Variants in COTL1 observed in about 807,000 individuals in gnomAD.
COTL1 encodes coactosin like F-actin binding protein 1.
Under a neutral mutation model 16.5 loss-of-function variants are expected in COTL1, and 15 were observed. The observed-to-expected ratio is 0.91, with a 90% confidence interval of 0.61 to 1.40. The LOEUF is 1.40. Among genes scored for constraint, COTL1 ranks in the 40% most tolerant of loss-of-function variants. The pLI, the probability that COTL1 is intolerant of heterozygous loss-of-function variation, is 0.00. For missense variants in COTL1, 220 were observed against 201.5 expected, an observed-to-expected ratio of 1.09 and a Z score of -0.56; for synonymous variants, 112 against 85.3, an observed-to-expected ratio of 1.31 and a Z score of -1.73.
At chr16:84,574,404 GCT>G (rs1337488015) in intron 3 of COTL1, among the ~76,000 whole-genome samples, 2 of 152,196 alleles carry the variant, frequency 1.3e-5, no homozygotes, top group African/African-American at 2.4e-5. Context: ...GCTGAAGAAA[GCT>G]CTTTGTTTTG....
At chr16:84,573,936 G>C (rs755089622) in intron 3 of COTL1, among the ~76,000 whole-genome samples, 1 of 152,070 alleles carries the variant, frequency 6.6e-6, no homozygotes. Flanking sequence ...AGGGAGAATC[G>C]CTTGAACCCC....
At chr16:84,611,775 G>C (rs1439050548) in intron 2 of COTL1, among the ~76,000 whole-genome samples, 2 of 152,220 alleles carry the variant, frequency 1.3e-5, no homozygotes, top group African/African-American at 2.4e-5. Flanking sequence ...TGCTTTATGA[G>C]TATGCCACAG....
chr16:84,611,878 C>G (rs938254226), intron 2 of COTL1, among the ~76,000 whole-genome samples: 3 of 152,144 alleles, frequency 2.0e-5, no homozygotes, highest in African/African-American at 7.2e-5. Flanking sequence ...ATCTGTAAGC[C>G]CTTTCTGCTG....
intron 3 of COTL1, among the ~76,000 whole-genome samples, chr16:84,586,519 A>G (rs188353368): frequency 6.6e-6 from 1 of 152,360 alleles, no homozygotes; most frequent in East Asian, 1.9e-4. Flanking sequence ...ATGGCTACAC[A>G]ACATTGGAAC....
intron 2 of COTL1, 95 bp downstream of exon 2, chr16:84,617,406 C>CA: frequency 1.7e-6 from 2 of 1,205,228 alleles, no homozygotes; most frequent in Middle Eastern, 2.7e-4. Flanking sequence ...CCCATGTGGC[C>CA]ACCGGTTCCT....
At chr16:84,613,834 C>T (rs1028017993) in intron 2 of COTL1, among the ~76,000 whole-genome samples, 7 of 151,928 alleles carry the variant, frequency 4.6e-5, no homozygotes, top group African/African-American at 1.2e-4. Context: ...CCCCGCCCCC[C>T]ACCCACTCCA....
chr16:84,604,575 G>A (rs1023183867), intron 2 of COTL1, among the ~76,000 whole-genome samples: 3 of 151,964 alleles, frequency 2.0e-5, no homozygotes, highest in Non-Finnish European at 4.4e-5. Context: ...GTGTTGGGGG[G>A]ATGAGTGACC....
At chr16:84,583,436 C>A (rs1904646862) in intron 3 of COTL1, among the ~76,000 whole-genome samples, 1 of 152,088 alleles carries the variant, frequency 6.6e-6, no homozygotes, top group Admixed American at 6.6e-5. Flanking sequence ...GCCGATCCTG[C>A]CCCTGGGGTT....
At chr16:84,567,302 G>T (rs1904303098) in intron 3 of COTL1, 1 of 204,378 alleles carries the variant, frequency 4.9e-6, no homozygotes, top group Non-Finnish European at 9.9e-6. Context: ...TTTCTCATCT[G>T]TAAAAAACTA....
rs55664459 is a variant in COTL1 at position 84,580,043 on chromosome 16, G to A, written c.318+10062C>T. Among the ~76,000 whole-genome samples the A allele has an allele frequency of 8.4e-3, 1,275 of 152,318 alleles. 19 individuals carry two copies. The highest frequency in any genetic ancestry group is 0.029 in the African/African-American group (1,203 of 41,560). ...CGGGAATCACTGCACCACAGCGTCC[G>A]GAGGCCAGCTGCTGGCAGGTGCCTG... On this transcript the variant is annotated intron_variant, in intron 3 of 3. Transcript: ENST00000262428.
chr16:84,598,676 A>T (rs941846608), intron 2 of COTL1, among the ~76,000 whole-genome samples: 6 of 116,558 alleles, frequency 5.1e-5, no homozygotes, highest in Non-Finnish European at 9.1e-5. Context: ...ACCAACCCCG[A>T]CCTCTCTGGA....
chr16:84,587,944 G>C (rs1409511810), intron 3 of COTL1, among the ~76,000 whole-genome samples: 1 of 152,008 alleles, frequency 6.6e-6, no homozygotes, highest in Non-Finnish European at 1.5e-5. Context: ...GCTAATTTCT[G>C]TATTTTTAGC....
intron 2 of COTL1, among the ~76,000 whole-genome samples, chr16:84,613,706 G>A (rs1478129964): frequency 6.6e-6 from 1 of 152,238 alleles, no homozygotes; most frequent in Non-Finnish European, 1.5e-5. Context: ...ATAGACTGTT[G>A]CTATGAAGAG....
In COTL1 at chr16:84,566,090, G is replaced by A. The variant is rs1342065713; in HGVS notation, c.*755C>T. ...TGGGCTCAGACCTTTGCCCTTCTCT[G>A]TGTCACAAGGAAATTTCGGTCAAGA... On this transcript the variant is annotated 3_prime_UTR_variant, in exon 4 of 4. Transcript: ENST00000262428. The A allele has an allele frequency of 6.5e-6, 1 of 152,728 alleles. No homozygotes were observed. Among genetic ancestry groups the A allele is most frequent in the African/African-American group, 2.4e-5 (1 of 41,448 alleles). 9.5% of individuals were successfully genotyped at this position (152,728 alleles called of 1,614,324 possible).
chr16:84,607,908 C>T (rs987188130), intron 2 of COTL1, among the ~76,000 whole-genome samples: 9 of 152,040 alleles, frequency 5.9e-5, no homozygotes, highest in South Asian at 2.1e-4. Context: ...CTAGACTTAT[C>T]GGGCAGGAAG....
intron 3 of COTL1, among the ~76,000 whole-genome samples, chr16:84,589,560 G>A (rs1029417978): frequency 2.6e-5 from 4 of 151,820 alleles, no homozygotes; most frequent in East Asian, 1.9e-4. Flanking sequence ...ACCCTACCCC[G>A]GGGTTACCTT....
chr16:84,603,778 G>C (rs1261935029), intron 2 of COTL1, among the ~76,000 whole-genome samples: 1 of 152,020 alleles, frequency 6.6e-6, no homozygotes, highest in Non-Finnish European at 1.5e-5. Context: ...AGAAGTGGCA[G>C]AATAAGACCC....
chr16:84,614,887 A>G (rs563797692), intron 2 of COTL1, among the ~76,000 whole-genome samples: 2 of 152,302 alleles, frequency 1.3e-5, no homozygotes, highest in South Asian at 4.1e-4. Context: ...ACCTGCCCCG[A>G]GCCAGCCTGC....
intron 2 of COTL1, among the ~76,000 whole-genome samples, chr16:84,605,724 G>C (rs1597184166): frequency 6.6e-6 from 1 of 152,242 alleles, no homozygotes; most frequent in Admixed American, 6.5e-5. Context: ...CTCCCCTGGA[G>C]CCTCCAGGAG....
Sources: gnomAD v4.1 joint callset for allele counts (sites outside exome capture counted in the v4.1 genomes callset) on GRCh38, gnomAD v4.1.1 for gene constraint, MANE v1.5 for transcripts, NCBI Gene and HGNC (gene_info 2026-07-23, HGNC 2026-07-21) for gene names.